Variants in LRBA observed in about 807,000 individuals in gnomAD.
LRBA encodes LPS responsive beige-like anchor protein.
A neutral mutation model predicts 330.0 loss-of-function variants in LRBA; 176 were observed. The ratio of observed to expected loss-of-function variants is 0.53; its 90% CI spans 0.47 to 0.60. The LOEUF is 0.60. Ranked by LOEUF, LRBA falls within the 20% of genes least tolerant of loss-of-function variation. The pLI is 0.00. For synonymous variants in LRBA, 1,230 were observed against 1,193.0 expected, an observed-to-expected ratio of 1.03 and a Z score of -0.64; for missense variants, 3,259 against 3,444.8, an observed-to-expected ratio of 0.95 and a Z score of 1.35.
intron 16 of LRBA, among the ~76,000 whole-genome samples, chr4:150,894,198 T>C (rs909785430): frequency 2.6e-5 from 4 of 152,196 alleles, no homozygotes; most frequent in Non-Finnish European, 5.9e-5. Flanking sequence ...GTGGTAGTGG[T>C]AGGGCTAAGA....
chr4:150,986,106 G>A (rs1451745129), intron 2 of LRBA, among the ~76,000 whole-genome samples: 1 of 152,032 alleles, frequency 6.6e-6, no homozygotes, highest in Non-Finnish European at 1.5e-5. Context: ...TTACAATGTA[G>A]AATTGAACAT....
chr4:150,935,299 T>C (rs948713127), intron 2 of LRBA, among the ~76,000 whole-genome samples: 1 of 152,112 alleles, frequency 6.6e-6, no homozygotes, highest in Non-Finnish European at 1.5e-5. Context: ...GCTCAAAATG[T>C]CATTTTGTAT....
rs778726251 is a variant in LRBA at position 150,282,680 on chromosome 4, T to C, written c.8120-34A>G. The C allele has an allele frequency of 5.6e-6, 8 of 1,440,708 alleles. No homozygotes were observed. In the African/African-American group the frequency reaches 8.5e-5, roughly 15 times the overall value. The allele number at this position is 1,440,708 out of a possible 1,614,324, so 89.2% of individuals were successfully genotyped here. A position where few individuals can be genotyped will look rare whatever the true frequency, so the allele number is the denominator to read the frequency against. ...AGAGGAGAAATAAAAGGCAAAATTA[T>C]TGAATGAAAACAGACAATATGATCT... is the stretch of plus-strand genomic sequence containing the variant. On this transcript the variant is annotated intron_variant, in intron 54 of 56. Transcript: ENST00000651943.
intron 40 of LRBA, among the ~76,000 whole-genome samples, chr4:150,534,374 ATAAT>A (rs1432576866): frequency 4.8e-5 from 6 of 125,924 alleles, no homozygotes; most frequent in African/African-American, 1.6e-4. Flanking sequence ...AATAATAATA[ATAAT>A]TTTTTTTAAA....
At chr4:150,953,184 T>C (rs562417842) in intron 2 of LRBA, among the ~76,000 whole-genome samples, 4 of 152,338 alleles carry the variant, frequency 2.6e-5, no homozygotes, top group African/African-American at 7.2e-5. Context: ...CTAATCCTTA[T>C]TTTAATAATA....
At chr4:150,443,705 G>C (rs1164505000) in intron 44 of LRBA, among the ~76,000 whole-genome samples, 1 of 151,872 alleles carries the variant, frequency 6.6e-6, no homozygotes, top group African/African-American at 2.4e-5. Flanking sequence ...TGTGGGGTGG[G>C]AGCAGGGGGG....
At chr4:150,628,297 A>T (rs1320913339) in intron 37 of LRBA, among the ~76,000 whole-genome samples, 1 of 152,188 alleles carries the variant, frequency 6.6e-6, no homozygotes, top group Admixed American at 6.5e-5. Flanking sequence ...GATTGCCATC[A>T]ATCAAGATCC....
intron 44 of LRBA, among the ~76,000 whole-genome samples, chr4:150,453,348 T>C (rs1362024799): frequency 6.6e-6 from 1 of 151,822 alleles, no homozygotes; most frequent in Non-Finnish European, 1.5e-5. Context: ...AAGAACAGAG[T>C]CTAGAAATAG....
chr4:150,668,308 A>C (rs1400168566), intron 37 of LRBA, among the ~76,000 whole-genome samples: 1 of 152,226 alleles, frequency 6.6e-6, no homozygotes, highest in Non-Finnish European at 1.5e-5. Flanking sequence ...GGCTGACTTA[A>C]GACAATACAA....
At chr4:150,832,923 C>A (rs1437680506) in intron 28 of LRBA, among the ~76,000 whole-genome samples, 2 of 152,034 alleles carry the variant, frequency 1.3e-5, no homozygotes, top group Non-Finnish European at 2.9e-5. Context: ...GAATACACCA[C>A]CACATCCAGC....
intron 40 of LRBA, among the ~76,000 whole-genome samples, chr4:150,556,889 C>A (rs1025356058): frequency 2.6e-5 from 4 of 152,108 alleles, no homozygotes; most frequent in Non-Finnish European, 5.9e-5. Context: ...GAAAATGCAA[C>A]CTTTTTAAAA....
chr4:150,938,149 C>G (rs901458921), intron 2 of LRBA, among the ~76,000 whole-genome samples: 8 of 150,902 alleles, frequency 5.3e-5, no homozygotes, highest in Admixed American at 1.3e-4. Flanking sequence ...TGTGACCTAT[C>G]TATTATGACA....
At chr4:150,874,507 C>T (rs906511274) in intron 17 of LRBA, among the ~76,000 whole-genome samples, 2 of 152,170 alleles carry the variant, frequency 1.3e-5, no homozygotes, top group Admixed American at 6.5e-5. Flanking sequence ...TACTCTACCC[C>T]GTCGCAGGCC....
chr4:150,625,601 G>A (rs1250535122), intron 37 of LRBA, among the ~76,000 whole-genome samples: 2 of 151,458 alleles, frequency 1.3e-5, no homozygotes, highest in Admixed American at 1.3e-4. Flanking sequence ...TCTCAATCTT[G>A]CATGAGCATT....
At chr4:150,371,500 T>A (rs1740317054) in intron 47 of LRBA, among the ~76,000 whole-genome samples, 1 of 152,076 alleles carries the variant, frequency 6.6e-6, no homozygotes, top group Non-Finnish European at 1.5e-5. Flanking sequence ...CGCAAGCTAC[T>A]ATTTATCTAA....
chr4:150,940,258 C>T (rs1432635647), intron 2 of LRBA, among the ~76,000 whole-genome samples: 2 of 144,618 alleles, frequency 1.4e-5, no homozygotes, highest in African/African-American at 2.5e-5. Flanking sequence ...AAAAAAATAG[C>T]CTGGCAGGTG....
chr4:150,837,395 TG>T (rs1322414205), intron 28 of LRBA, among the ~76,000 whole-genome samples: 1 of 152,086 alleles, frequency 6.6e-6, no homozygotes, highest in Non-Finnish European at 1.5e-5. Flanking sequence ...GACGGTGGGG[TG>T]TGAAAGTCTC....
chr4:150,872,413 C>T (rs1181488788), intron 18 of LRBA, among the ~76,000 whole-genome samples: 2 of 152,106 alleles, frequency 1.3e-5, no homozygotes, highest in African/African-American at 4.8e-5. Flanking sequence ...TTCTTGAATG[C>T]AAGCTGTCCA....
intron 2 of LRBA, among the ~76,000 whole-genome samples, chr4:150,950,893 T>A (rs1736767418): frequency 6.6e-6 from 1 of 152,188 alleles, no homozygotes; most frequent in South Asian, 2.1e-4. Context: ...AATACAAGAC[T>A]GAGAATGTGA....
Sources: allele counts gnomAD v4.1 joint callset (sites outside exome capture counted in the v4.1 genomes callset), GRCh38; gene constraint gnomAD v4.1.1; transcripts MANE v1.5; gene names NCBI Gene and HGNC (gene_info 2026-07-23, HGNC 2026-07-21).